OCIAD1: variants seen among roughly 807,000 people sequenced by gnomAD.
OCIAD1 encodes the protein OCIA domain containing 1, also known as OCIA domain-containing protein 1.
A neutral mutation model predicts 38.9 loss-of-function variants in OCIAD1; 29 were observed. The observed-to-expected ratio is 0.74, with a 90% CI of 0.55 to 1.02. The LOEUF (loss-of-function observed/expected upper bound fraction) is 1.02, where lower values mean the gene tolerates loss of function less well. Ranked by LOEUF, OCIAD1 falls within the 50% of genes least tolerant of loss-of-function variation. OCIAD1 has a pLI of 0.00. For synonymous variants in OCIAD1, 110 were observed against 92.0 expected (o/e 1.20, Z -1.12); for missense variants, 288 against 289.6 (o/e 0.99, Z 0.04).
At chr4:48,831,548 G>A in intron 1 of OCIAD1, 1 of 1,290,690 alleles carries the variant, frequency 7.7e-7, no homozygotes, top group Admixed American at 2.3e-5. Context: ...AGCGGTTGTA[G>A]GCCGCTTAGG....
At chr4:48,848,532 CATATT>C (rs1206175925) in intron 5 of OCIAD1, 86 bp downstream of exon 5, 6 of 621,876 alleles carry the variant, frequency 9.6e-6, no homozygotes, top group African/African-American at 9.5e-5. Context: ...ATGTCTTACT[CATATT>C]AGTTATGTGG....
intron 1 of OCIAD1, among the ~76,000 whole-genome samples, chr4:48,824,817 C>G (rs1400381223): frequency 6.6e-6 from 1 of 152,122 alleles, no homozygotes; most frequent in African/African-American, 2.4e-5. Flanking sequence ...CTTGCTGCAG[C>G]CTTGATCTCC....
chr4:48,855,617 G>C (rs1779963070), intron 7 of OCIAD1, among the ~76,000 whole-genome samples: 1 of 152,088 alleles, frequency 6.6e-6, no homozygotes, highest in Non-Finnish European at 1.5e-5. Flanking sequence ...CAGAGTTCAA[G>C]ACCAGCCTGA....
chr4:48,816,918 G>A (rs1488777720), intron 1 of OCIAD1, among the ~76,000 whole-genome samples: 1 of 151,776 alleles, frequency 6.6e-6, no homozygotes, highest in African/African-American at 2.4e-5. Context: ...TGCAGTGAGT[G>A]GAGATTGGGC....
At chr4:48,832,840 T>A (rs950859390) in intron 2 of OCIAD1, 158 bp downstream of exon 2, 4 of 646,826 alleles carry the variant, frequency 6.2e-6, no homozygotes, top group Non-Finnish European at 1.1e-5. Flanking sequence ...TTGAAATTCA[T>A]AATCATTTGG....
chr4:48,832,571 C>G, intron 1 of OCIAD1, 49 bp from the exon 2 acceptor site: 1 of 1,360,746 alleles, frequency 7.3e-7, no homozygotes, highest in Non-Finnish European at 1.1e-6. Context: ...TTACTTTGAC[C>G]TATCTAGTGA....
At chr4:48,832,548 C>T in intron 1 of OCIAD1, 72 bp from the exon 2 acceptor site, 1 of 1,107,380 alleles carries the variant, frequency 9.0e-7, no homozygotes, top group East Asian at 2.4e-5. Context: ...TTTACTATAT[C>T]ATACGTCTTG....
intron 1 of OCIAD1, among the ~76,000 whole-genome samples, chr4:48,819,361 C>T (rs557025476): frequency 3.3e-5 from 5 of 152,188 alleles, no homozygotes; most frequent in African/African-American, 9.6e-5. Context: ...GGATTTTTCT[C>T]ACCACTAGGT....
intron 1 of OCIAD1, among the ~76,000 whole-genome samples, chr4:48,820,425 A>T (rs748827969): frequency 6.6e-6 from 1 of 152,246 alleles, no homozygotes; most frequent in Non-Finnish European, 1.5e-5. Context: ...AATTTATAGC[A>T]CTTAATGCCC....
rs534626868 is a variant in OCIAD1 at position 48,817,466 on chromosome 4, C to T, written c.-103+12136C>T. On this transcript the variant is annotated intron_variant, in intron 1 of 6. Transcript: ENST00000504654. ...ACTCTGCAGATCAGGAGATTCCCAC[C>T]AGGCCCCTGGGTTTCAAGCACAAAA... Among the ~76,000 whole-genome samples the T allele has an allele frequency of 7.3e-4, 111 of 152,282 alleles. 1 individual carries two copies. In the South Asian group the frequency reaches 0.022, roughly 30 times the overall value.
At chr4:48,811,605 C>G (rs761821295) in intron 1 of OCIAD1, among the ~76,000 whole-genome samples, 2 of 152,184 alleles carry the variant, frequency 1.3e-5, no homozygotes, top group Non-Finnish European at 2.9e-5. Context: ...GAGCCAAGAT[C>G]ATGCCACTGC....
chr4:48,852,882 G>GTTTTTTTGTTTTTTTGTTT (rs1779635252), intron 7 of OCIAD1, among the ~76,000 whole-genome samples: 26 of 126,300 alleles, frequency 2.1e-4, no homozygotes, highest in African/African-American at 8.2e-4. Context: ...TTTGTTTTTT[G>GTTTTTTTGTTTTTTTGTTT]TTTTTTTTTT....
upstream of OCIAD1, among the ~76,000 whole-genome samples, chr4:48,829,695 G>T (rs766775829): frequency 7.9e-5 from 12 of 152,184 alleles, no homozygotes; most frequent in Admixed American, 5.9e-4. Context: ...TGGTCTAGAA[G>T]AGGGAACAGC....
chr4:48,844,477 G>A (rs1778808927), intron 4 of OCIAD1, among the ~76,000 whole-genome samples: 1 of 152,000 alleles, frequency 6.6e-6, no homozygotes, highest in Non-Finnish European at 1.5e-5. Context: ...TTAGCCGGGC[G>A]TGGTCGTGCG....
chr4:48,842,626 C>T lies in OCIAD1; in HGVS notation c.140-10C>T. On this transcript the variant is annotated splice_polypyrimidine_tract_variant and intron_variant, in intron 3 of 8. Transcript: ENST00000264312. ...TTGTTGATGTTAACAAGGTCTTTTT[C>T]TTCCTATAGCTGTGCCTTTGGCTGC... 2 of 1,555,706 alleles carry T rather than the reference C, an allele frequency of 1.3e-6. No homozygotes were observed. Among genetic ancestry groups the T allele is most frequent in the Non-Finnish European group, 1.7e-6 (2 of 1,150,470 alleles).
At chr4:48,835,387 C>A (rs1777887516) in intron 3 of OCIAD1, among the ~76,000 whole-genome samples, 1 of 151,998 alleles carries the variant, frequency 6.6e-6, no homozygotes, top group Non-Finnish European at 1.5e-5. Flanking sequence ...TTTTAAAACT[C>A]AAAATTTTCT....
At chr4:48,825,112 T>G (rs1189469745) in intron 1 of OCIAD1, among the ~76,000 whole-genome samples, 1 of 152,194 alleles carries the variant, frequency 6.6e-6, no homozygotes, top group Non-Finnish European at 1.5e-5. Flanking sequence ...CCCCTGCAGC[T>G]GGCATGGACA....
At chr4:48,833,571 C>A in intron 3 of OCIAD1, 90 bp downstream of exon 3, 1 of 773,290 alleles carries the variant, frequency 1.3e-6, no homozygotes. Flanking sequence ...ATAATAACTC[C>A]GTATAGAACA....
upstream of OCIAD1, among the ~76,000 whole-genome samples, chr4:48,826,092 C>T (rs1777247864): frequency 6.6e-6 from 1 of 152,084 alleles, no homozygotes; most frequent in South Asian, 2.1e-4. Context: ...CCCATCTCAG[C>T]CTCCCGAAGT....
Sources: gnomAD v4.1 joint callset for allele counts (sites outside exome capture counted in the v4.1 genomes callset) on GRCh38, gnomAD v4.1.1 for gene constraint, MANE v1.5 for transcripts, NCBI Gene and HGNC (gene_info 2026-07-23, HGNC 2026-07-21) for gene names.